FCHSD2: variants seen among roughly 807,000 people sequenced by gnomAD.
The protein encoded by FCHSD2 is FCH and double SH3 domains 2.
Under a neutral mutation model 108.1 loss-of-function variants are expected in FCHSD2, and 38 were observed. The observed-to-expected ratio is 0.35, with a 90% confidence interval of 0.27 to 0.46. The LOEUF is 0.46. FCHSD2 is among the 20% of genes least tolerant of loss of function. The pLI, the probability that FCHSD2 is intolerant of heterozygous loss-of-function variation, is 1.00. For missense variants in FCHSD2, 751 were observed against 897.8 expected (o/e 0.84, Z 2.09); for synonymous variants, 279 against 314.7 (o/e 0.89, Z 1.20).
At chr11:72,878,428 C>G (rs1855014207) in intron 12 of FCHSD2, among the ~76,000 whole-genome samples, 1 of 152,116 alleles carries the variant, frequency 6.6e-6, no homozygotes, top group South Asian at 2.1e-4. Flanking sequence ...CAATAAGCAC[C>G]TTCACAGCCC....
chr11:72,954,706 T>C (rs557955088), intron 8 of FCHSD2, among the ~76,000 whole-genome samples: 1 of 152,004 alleles, frequency 6.6e-6, no homozygotes, highest in South Asian at 2.1e-4. Flanking sequence ...GGTCAGGAGA[T>C]GAGTAGTGTA....
In FCHSD2 at chr11:72,943,879, A is replaced by G. The variant is rs141617677; in HGVS notation, c.706-21929T>C. On this transcript the variant is annotated intron_variant, in intron 8 of 19. Transcript: ENST00000409418. ...TTCAAATATTGTAAACTACTACACT[A>G]AGAACGTATGAAGATAAACTGACTA... Among the ~76,000 whole-genome samples the G allele has an allele frequency of 8.4e-3, 1,279 of 152,366 alleles. 7 individuals carry two copies. Among genetic ancestry groups the G allele is most frequent in the Non-Finnish European group, 0.013 (906 of 68,034 alleles).
chr11:73,129,872 CTTTTT>C (rs35445043), intron 2 of FCHSD2, among the ~76,000 whole-genome samples: 2 of 124,144 alleles, frequency 1.6e-5, no homozygotes, highest in East Asian at 2.2e-4. Flanking sequence ...CCTTCATAAT[CTTTTT>C]TTTTTTTTTT....
At chr11:72,884,957 C>T (rs139490055) in intron 12 of FCHSD2, among the ~76,000 whole-genome samples, 25 of 152,182 alleles carry the variant, frequency 1.6e-4, no homozygotes, top group Non-Finnish European at 3.5e-4. Flanking sequence ...TGAGGACTCA[C>T]ATTTTATATA....
chr11:73,008,775 T>A (rs1242018209), intron 4 of FCHSD2, among the ~76,000 whole-genome samples: 1 of 152,198 alleles, frequency 6.6e-6, no homozygotes, highest in Non-Finnish European at 1.5e-5. Context: ...TGTGTCATTA[T>A]AGCAGATGGA....
At chr11:73,023,672 C>T (rs985553490) in intron 3 of FCHSD2, among the ~76,000 whole-genome samples, 2 of 152,096 alleles carry the variant, frequency 1.3e-5, no homozygotes, top group Non-Finnish European at 2.9e-5. Flanking sequence ...AGGTATTTGG[C>T]CAACTGATTT....
At chr11:72,986,637 T>G (rs1484550181) in intron 6 of FCHSD2, among the ~76,000 whole-genome samples, 3 of 152,190 alleles carry the variant, frequency 2.0e-5, no homozygotes, top group Non-Finnish European at 4.4e-5. Context: ...CAGTTCTCCT[T>G]TTTTTACAGT....
intron 3 of FCHSD2, among the ~76,000 whole-genome samples, chr11:73,018,931 T>G (rs1414177020): frequency 1.3e-5 from 2 of 152,110 alleles, no homozygotes; most frequent in Non-Finnish European, 2.9e-5. Context: ...TTTATGAGGG[T>G]TCAATTAAGT....
At chr11:73,049,112 T>C (rs1408471314) in intron 3 of FCHSD2, among the ~76,000 whole-genome samples, 1 of 152,172 alleles carries the variant, frequency 6.6e-6, no homozygotes, top group East Asian at 1.9e-4. Flanking sequence ...TCTGATTTAA[T>C]AGCAAGATAT....
intron 3 of FCHSD2, among the ~76,000 whole-genome samples, chr11:73,037,637 G>A (rs1858530117): frequency 6.6e-6 from 1 of 151,924 alleles, no homozygotes; most frequent in Admixed American, 6.6e-5. Flanking sequence ...AAAAACTTAG[G>A]GCCCATACTG....
chr11:72,872,286 CTTTTTTTTTTTT>C (rs59486746), intron 12 of FCHSD2, among the ~76,000 whole-genome samples: 3 of 132,222 alleles, frequency 2.3e-5, no homozygotes, highest in African/African-American at 8.5e-5. Context: ...TTTTTCTTTT[CTTTTTTTTTTTT>C]TTTTTTAGAA....
chr11:73,004,061 A>T (rs1440803975), intron 4 of FCHSD2, among the ~76,000 whole-genome samples: 1 of 141,358 alleles, frequency 7.1e-6, no homozygotes. Context: ...GTGAGCCGAG[A>T]TAGTGCCACT....
At chr11:72,887,740 A>C (rs539718449) in intron 11 of FCHSD2, among the ~76,000 whole-genome samples, 166 bp from the exon 12 acceptor site, 1 of 152,314 alleles carries the variant, frequency 6.6e-6, no homozygotes, top group East Asian at 1.9e-4. Flanking sequence ...ACTTACTAGT[A>C]ACAAACTTAC....
intron 2 of FCHSD2, among the ~76,000 whole-genome samples, chr11:73,100,036 C>A (rs1053749662): frequency 6.6e-6 from 1 of 152,186 alleles, no homozygotes; most frequent in African/African-American, 2.4e-5. Flanking sequence ...CCCTGACGCA[C>A]CCCGGAAGGC....
intron 4 of FCHSD2, among the ~76,000 whole-genome samples, chr11:73,009,367 T>C (rs190726646): frequency 1.9e-4 from 29 of 151,874 alleles, no homozygotes; most frequent in African/African-American, 6.5e-4. Context: ...TGTGGTGGCG[T>C]ACACCTGTAA....
At chr11:73,030,270 G>A (rs989128295) in intron 3 of FCHSD2, among the ~76,000 whole-genome samples, 20 of 152,216 alleles carry the variant, frequency 1.3e-4, no homozygotes, top group African/African-American at 4.8e-4. Flanking sequence ...GTGCACTTCT[G>A]CTAGGTACTA....
intron 8 of FCHSD2, among the ~76,000 whole-genome samples, chr11:72,969,493 G>T (rs572347904): frequency 1.3e-5 from 2 of 152,276 alleles, no homozygotes; most frequent in South Asian, 2.1e-4. Flanking sequence ...TTTTTTGAGG[G>T]TAGAGAGTAT....
intron 2 of FCHSD2, among the ~76,000 whole-genome samples, chr11:73,093,586 G>A (rs1433004528): frequency 1.3e-5 from 2 of 152,016 alleles, no homozygotes; most frequent in Non-Finnish European, 1.5e-5. Context: ...TGGTGGTAGT[G>A]AGGATGGGGT....
At chr11:73,057,041 C>A (rs2135483119) in intron 3 of FCHSD2, among the ~76,000 whole-genome samples, 1 of 152,248 alleles carries the variant, frequency 6.6e-6, no homozygotes. Context: ...CGAGATCACA[C>A]CACTGCACTC....
Sources: allele counts gnomAD v4.1 joint callset (sites outside exome capture counted in the v4.1 genomes callset), GRCh38; gene constraint gnomAD v4.1.1; transcripts MANE v1.5; gene names NCBI Gene and HGNC (gene_info 2026-07-23, HGNC 2026-07-21).